THSD7B: variants seen among roughly 807,000 people sequenced by gnomAD.
THSD7B encodes thrombospondin type 1 domain containing 7B, also known as thrombospondin type-1 domain-containing protein 7B.
A neutral mutation model predicts 213.6 loss-of-function variants in THSD7B; 138 were observed. The ratio of observed to expected loss-of-function variants is 0.65; its 90% CI spans 0.56 to 0.74. THSD7B has a LOEUF of 0.74. THSD7B is among the 30% of genes least tolerant of loss of function. The pLI is 0.00. For synonymous variants in THSD7B, 742 were observed against 687.0 expected, an observed-to-expected ratio of 1.08 and a Z score of -1.25; for missense variants, 1,931 against 1,991.5, an observed-to-expected ratio of 0.97 and a Z score of 0.58.
intron 9 of THSD7B, among the ~76,000 whole-genome samples, chr2:137,233,653 A>G (rs1161838225): frequency 6.6e-6 from 1 of 152,198 alleles, no homozygotes; most frequent in African/African-American, 2.4e-5. Context: ...ATGGAGATAT[A>G]AAACTTTTTA....
intron 2 of THSD7B, among the ~76,000 whole-genome samples, chr2:136,983,358 G>GACACACAGACACACAC (rs1553462387): frequency 2.9e-5 from 3 of 105,028 alleles, no homozygotes; most frequent in African/African-American, 3.2e-5. Flanking sequence ...CAGACACACA[G>GACACACAGACACACAC]ACACACACAC....
intron 12 of THSD7B, among the ~76,000 whole-genome samples, chr2:137,356,851 A>T (rs917005491): frequency 6.6e-6 from 1 of 152,028 alleles, no homozygotes; most frequent in African/African-American, 2.4e-5. Flanking sequence ...GTTTTGGGGT[A>T]GTTTGTATGT....
intron 1 of THSD7B, among the ~76,000 whole-genome samples, chr2:136,780,327 A>G (rs978784620): frequency 6.6e-6 from 1 of 152,234 alleles, no homozygotes; most frequent in Admixed American, 6.5e-5. Flanking sequence ...AGCAGCATCC[A>G]TCCATTCATG....
At chr2:137,036,826 G>A (rs1006311837) in intron 2 of THSD7B, among the ~76,000 whole-genome samples, 4 of 152,190 alleles carry the variant, frequency 2.6e-5, no homozygotes, top group African/African-American at 9.6e-5. Context: ...TGTCCGCACA[G>A]TGGCTGGGCT....
chr2:137,256,900 A>G (rs1682323136), intron 10 of THSD7B, among the ~76,000 whole-genome samples: 1 of 152,134 alleles, frequency 6.6e-6, no homozygotes, highest in Non-Finnish European at 1.5e-5. Context: ...AACAAAATTT[A>G]TTTCTTACAG....
chr2:137,068,914 C>G (rs559842027), intron 3 of THSD7B, among the ~76,000 whole-genome samples: 1 of 152,150 alleles, frequency 6.6e-6, no homozygotes, highest in African/African-American at 2.4e-5. Context: ...GTCACTTTAT[C>G]AATCTAGGAC....
At chr2:137,134,546 G>T (rs192366610) in intron 5 of THSD7B, among the ~76,000 whole-genome samples, 8 of 152,260 alleles carry the variant, frequency 5.3e-5, no homozygotes, top group Non-Finnish European at 1.0e-4. Flanking sequence ...CACTCTAGGG[G>T]TGGGGGGCAC....
intron 14 of THSD7B, among the ~76,000 whole-genome samples, chr2:137,430,230 A>G (rs960988618): frequency 6.6e-6 from 1 of 152,200 alleles, no homozygotes; most frequent in Non-Finnish European, 1.5e-5. Context: ...CCTGGGTGGC[A>G]GAGCAAGACC....
chr2:136,951,500 G>A (rs905243333), intron 2 of THSD7B, among the ~76,000 whole-genome samples: 8 of 152,136 alleles, frequency 5.3e-5, no homozygotes, highest in Non-Finnish European at 1.2e-4. Context: ...GGGAAAAATA[G>A]CAAATGTCTA....
chr2:136,807,993 T>C (rs922223272), intron 1 of THSD7B, among the ~76,000 whole-genome samples: 1 of 152,254 alleles, frequency 6.6e-6, no homozygotes, highest in Non-Finnish European at 1.5e-5. Flanking sequence ...TACATGTGTG[T>C]ATACACTATC....
chr2:137,532,271 A>C (rs778862131), intron 15 of THSD7B, among the ~76,000 whole-genome samples: 20 of 151,904 alleles, frequency 1.3e-4, no homozygotes, highest in Non-Finnish European at 1.9e-4. Flanking sequence ...ATGCCAATAA[A>C]GGATGTTTTT....
At chr2:137,649,809 G>A (rs1683104333) in intron 21 of THSD7B, among the ~76,000 whole-genome samples, 1 of 152,072 alleles carries the variant, frequency 6.6e-6, no homozygotes, top group African/African-American at 2.4e-5. Flanking sequence ...GATATTTTGA[G>A]TTTCAGCTGG....
rs1373214108 is a variant in THSD7B at position 137,501,409 on chromosome 2, A to AGG, written c.3138+50389_3138+50390dup. On this transcript the variant is annotated intron_variant, in intron 15 of 27. Coordinates refer to ENST00000409968, the MANE Select transcript of THSD7B (RefSeq NM_001316349.2). ...TTAGAGCCATTTCAATATTACATTG[A>AGG]GGGGTTCTGCATCCACTTTTTGAAA... Among the ~76,000 whole-genome samples, 3 of 144,176 alleles carry AGG rather than the reference A, an allele frequency of 2.1e-5. No homozygotes were observed. In the East Asian group the frequency reaches 6.3e-4, roughly 30 times the overall value. The allele number at this position is 144,176 out of a possible 152,430, so 94.6% of individuals were successfully genotyped here. A position where few individuals can be genotyped will look rare whatever the true frequency, so the allele number is the denominator to read the frequency against.
intron 15 of THSD7B, among the ~76,000 whole-genome samples, chr2:137,525,617 T>C (rs1680263863): frequency 6.6e-6 from 1 of 152,200 alleles, no homozygotes; most frequent in South Asian, 2.1e-4. Context: ...GTGAGCCACA[T>C]TTTGAACATA....
At chr2:137,509,631 G>T (rs1477667135) in intron 15 of THSD7B, among the ~76,000 whole-genome samples, 1 of 152,034 alleles carries the variant, frequency 6.6e-6, no homozygotes, top group African/African-American at 2.4e-5. Context: ...GAAAGTCTTT[G>T]TCTGCTAAGT....
intron 12 of THSD7B, among the ~76,000 whole-genome samples, chr2:137,340,921 A>C (rs1268798663): frequency 6.6e-6 from 1 of 150,936 alleles, no homozygotes; most frequent in African/African-American, 2.4e-5. Context: ...AACTGATCTT[A>C]AGTCTTTTGG....
At chr2:137,329,839 A>T (rs184988952) in intron 12 of THSD7B, among the ~76,000 whole-genome samples, 22 of 152,258 alleles carry the variant, frequency 1.4e-4, no homozygotes, top group African/African-American at 4.8e-4. Context: ...CACCAAGACA[A>T]TGGGGAAACT....
intron 15 of THSD7B, among the ~76,000 whole-genome samples, chr2:137,462,493 C>G (rs556234077): frequency 4.7e-4 from 72 of 152,160 alleles, no homozygotes; most frequent in Non-Finnish European, 9.0e-4. Flanking sequence ...AATGCTATTT[C>G]TATAAGCCAA....
At chr2:137,223,109 T>G (rs1681407985) in intron 7 of THSD7B, among the ~76,000 whole-genome samples, 1 of 152,086 alleles carries the variant, frequency 6.6e-6, no homozygotes, top group South Asian at 2.1e-4. Context: ...TTTTATCATG[T>G]GGGGATAGTC....
Sources: gnomAD v4.1 joint callset for allele counts (sites outside exome capture counted in the v4.1 genomes callset) on GRCh38, gnomAD v4.1.1 for gene constraint, MANE v1.5 for transcripts, NCBI Gene and HGNC (gene_info 2026-07-23, HGNC 2026-07-21) for gene names.